The following PPP2R3B variants were observed in gnomAD, a reference collection of about 807,000 sequenced individuals.
PPP2R3B encodes serine/threonine-protein phosphatase 2A regulatory subunit B'' subunit beta.
A neutral mutation model predicts 72.9 loss-of-function variants in PPP2R3B; 68 were observed. That is an observed-to-expected ratio of 0.93 (90% confidence interval 0.77 to 1.14). PPP2R3B has a LOEUF of 1.14. Ranked by LOEUF, PPP2R3B falls within the 50% of genes most tolerant of loss-of-function variation. The pLI is 0.00. For synonymous variants in PPP2R3B, 466 were observed against 375.8 expected (o/e 1.24, Z -2.78); for missense variants, 1,018 against 842.0 (o/e 1.21, Z -2.59).
At chrX:361,894 T>C (rs774163965) in intron 1 of PPP2R3B, among the ~76,000 whole-genome samples, 3 of 152,218 alleles carry the variant, frequency 2.0e-5, no homozygotes, top group African/African-American at 7.2e-5. Flanking sequence ...CCCAGGCACC[T>C]GAGAGCCCAG....
In PPP2R3B at chrX:365,138, A is replaced by G. The variant is rs867005410; in HGVS notation, c.325-3548T>C. On this transcript the variant is annotated intron_variant, in intron 1 of 12. Coordinates refer to ENST00000390665, the MANE Select transcript of PPP2R3B (RefSeq NM_013239.5). Reference sequence around the variant, plus strand: ...TGAGGCAGGAGAATCGCTTCAACACAGGAGGCGGAGGTTGCAGTGAGCTGA... The same window carrying G: ...TGAGGCAGGAGAATCGCTTCAACACGGGAGGCGGAGGTTGCAGTGAGCTGA... 5.4e-3 allele frequency among the ~76,000 whole-genome samples: 305 copies of G among 56,866 alleles called. 2 individuals carry two copies. The highest frequency in any genetic ancestry group is 8.1e-3 in the Middle Eastern group (1 of 124). 37.3% of individuals were successfully genotyped at this position (56,866 alleles called of 152,430 possible). A position where few individuals can be genotyped will look rare whatever the true frequency, so the allele number is the denominator to read the frequency against.
chrX:341,496 G>T, intron 8 of PPP2R3B, 100 bp from the exon 9 acceptor site: 1 of 938,732 alleles, frequency 1.1e-6, no homozygotes, highest in Non-Finnish European at 1.6e-6. Context: ...GGAGCCCCCC[G>T]GGCCCGGCCC....
intron 2 of PPP2R3B, among the ~76,000 whole-genome samples, chrX:353,888 A>AGACCGGGGCTCGCCCAGG (rs2071382031): frequency 8.1e-6 from 1 of 123,852 alleles, no homozygotes; most frequent in African/African-American, 3.3e-5. Flanking sequence ...GCTCACCCAA[A>AGACCGGGGCTCGCCCAGG]GACCGGGGGC....
At chrX:353,383 A>G (rs1311973843) in intron 2 of PPP2R3B, among the ~76,000 whole-genome samples, 2 of 134,006 alleles carry the variant, frequency 1.5e-5, no homozygotes, top group East Asian at 6.0e-4. Flanking sequence ...CCAAAAAAAA[A>G]AGAGAAAAGA....
intron 10 of PPP2R3B, 22 bp downstream of exon 10, chrX:340,743 C>G (rs753671214): frequency 2.2e-5 from 36 of 1,607,870 alleles, no homozygotes; most frequent in Non-Finnish European, 2.8e-5. Context: ...TCACCCTGGG[C>G]CATGCCCTCA....
At chrX:386,146 T>C (rs2072243521) in intron 1 of PPP2R3B, among the ~76,000 whole-genome samples, 1 of 151,298 alleles carries the variant, frequency 6.6e-6, no homozygotes, top group African/African-American at 2.4e-5. Flanking sequence ...CTTTATAAAT[T>C]GTGTGATTTT....
chrX:343,785 GGGAGACCTCACCAAGGAGACGC>G (rs1398343880), intron 7 of PPP2R3B, among the ~76,000 whole-genome samples: 7,739 of 27,336 alleles, frequency 0.28, 2,895 homozygotes, highest in Middle Eastern at 0.45. Flanking sequence ...GAGGGGGGGA[GGGAGACCTCACCAAGGAGACGC>G]GGGAGTGAGA....
intron 2 of PPP2R3B, chrX:359,931 G>A (rs1009871782): frequency 1.4e-5 from 6 of 437,916 alleles, no homozygotes; most frequent in African/African-American, 1.3e-4. Context: ...AACCATGGAG[G>A]TTTTTACATA....
chrX:345,706 C>A (rs1252902477), intron 6 of PPP2R3B, 34 bp from the exon 7 acceptor site: 38 of 1,605,992 alleles, frequency 2.4e-5, no homozygotes, highest in Non-Finnish European at 3.1e-5. Context: ...GAGCGCGGGG[C>A]CTCTGCGGGG....
intron 1 of PPP2R3B, among the ~76,000 whole-genome samples, chrX:381,324 T>G (rs2072119183): frequency 6.6e-6 from 1 of 152,184 alleles, no homozygotes; most frequent in African/African-American, 2.4e-5. Context: ...CTCTGCTCAG[T>G]AACGATGAAG....
intron 2 of PPP2R3B, among the ~76,000 whole-genome samples, chrX:353,295 AC>A (rs1282882930): frequency 6.6e-6 from 1 of 151,724 alleles, no homozygotes; most frequent in Non-Finnish European, 1.5e-5. Context: ...AATGGCTTGA[AC>A]CCAGGAGGCG....
intron 1 of PPP2R3B, among the ~76,000 whole-genome samples, chrX:386,058 G>C (rs1390125651): frequency 2.0e-5 from 3 of 151,922 alleles, no homozygotes; most frequent in Admixed American, 6.6e-5. Context: ...CTCCAGCCTG[G>C]GCAACAGAGC....
rs781746440 is a variant in PPP2R3B at position 347,282 on chromosome X, G to A, written c.669C>T (p.Ser223=). 105 of 1,613,694 alleles carry A rather than the reference G, an allele frequency of 6.5e-5. 3 individuals carry two copies. In the South Asian group the frequency reaches 1.1e-3, roughly 16 times the overall value. The change falls in exon 4 of 13, where the codon AGC becomes AGT. Residue 223 remains serine (S), a synonymous_variant. Transcript: ENST00000390665. ...DAAKFVHLLM[S]PGCNYLVQED... is the part of the protein sequence containing the mutation. ...CCTGCACCAGGTAGTTGCAGCCGGGGCTCATGAGCAGATGGACGAACTTGG... is the reference window on the plus strand; with the variant it reads ...CCTGCACCAGGTAGTTGCAGCCGGGACTCATGAGCAGATGGACGAACTTGG...
At chrX:380,187 A>C (rs2072091927) in intron 1 of PPP2R3B, among the ~76,000 whole-genome samples, 1 of 152,226 alleles carries the variant, frequency 6.6e-6, no homozygotes, top group Admixed American at 6.5e-5. Flanking sequence ...TTTTGTAATA[A>C]GACACAAAAA....
At chrX:347,443 TG>T (rs1421077329) in intron 3 of PPP2R3B, 107 bp from the exon 4 acceptor site, 12 of 1,346,758 alleles carry the variant, frequency 8.9e-6, no homozygotes, top group Non-Finnish European at 9.6e-6. Context: ...GCGTGGCAGG[TG>T]GCCACACACG....
chrX:338,442 C>A, intron 12 of PPP2R3B, 162 bp downstream of exon 12: 2 of 704,846 alleles, frequency 2.8e-6, no homozygotes, highest in Non-Finnish European at 2.5e-6. Context: ...CCTCACCGGC[C>A]CCGTGTCAGG....
intron 1 of PPP2R3B, among the ~76,000 whole-genome samples, chrX:364,683 A>C (rs1234569637): frequency 3.0e-4 from 27 of 89,682 alleles, no homozygotes; most frequent in African/African-American, 4.5e-4. Flanking sequence ...GCACCACTGC[A>C]CTCCAGCCTG....
chrX:385,270 T>C (rs976754480), intron 1 of PPP2R3B, among the ~76,000 whole-genome samples: 1 of 150,684 alleles, frequency 6.6e-6, no homozygotes, highest in Non-Finnish European at 1.5e-5. Flanking sequence ...CCACTCAGCA[T>C]AAATTCCCGT....
At chrX:344,459 C>T (rs887643409) in intron 7 of PPP2R3B, among the ~76,000 whole-genome samples, 1 of 152,266 alleles carries the variant, frequency 6.6e-6, no homozygotes, top group African/African-American at 2.4e-5. Flanking sequence ...AGGTGCCGCC[C>T]CCCGCTTCAG....
Sources: gnomAD v4.1 joint callset for allele counts (sites outside exome capture counted in the v4.1 genomes callset) on GRCh38, gnomAD v4.1.1 for gene constraint, MANE v1.5 for transcripts, NCBI Gene and HGNC (gene_info 2026-07-23, HGNC 2026-07-21) for gene names.